Variants in CCDC6 observed in about 807,000 individuals in gnomAD.
CCDC6 encodes the protein coiled-coil domain containing 6.
CCDC6 carries 20 observed loss-of-function variants against 56.6 expected under a neutral mutation model. The ratio of observed to expected loss-of-function variants is 0.35; its 90% CI spans 0.25 to 0.51. The LOEUF is 0.51. Ranked by LOEUF, CCDC6 falls within the 20% of genes least tolerant of loss-of-function variation. The pLI is 0.95. For synonymous variants in CCDC6, 241 were observed against 234.4 expected, an observed-to-expected ratio of 1.03 and a Z score of -0.26; for missense variants, 367 against 601.1, an observed-to-expected ratio of 0.61 and a Z score of 4.07.
chr10:59,882,047 C>CGCGGGGAGA (rs1564755820), intron 1 of CCDC6, among the ~76,000 whole-genome samples: 1 of 83,672 alleles, frequency 1.2e-5, no homozygotes, highest in African/African-American at 5.5e-5. Flanking sequence ...AAAGGAAAGC[C>CGCGGGGAGA]AGGGGGAGAA....
At chr10:59,835,289 A>G (rs1254658058) in intron 2 of CCDC6, among the ~76,000 whole-genome samples, 1 of 152,240 alleles carries the variant, frequency 6.6e-6, no homozygotes, top group Non-Finnish European at 1.5e-5. Context: ...AGCGTTTGTC[A>G]TAGAATGTTG....
At position 59,906,428 on chromosome 10, in the gene CCDC6, C is replaced by T; in HGVS notation, c.-4G>A. ...TCTCGCTGGCGCTGTCCGCCATGGC[C>T]GCGGCGGGCTGGGGAAAGGAGGAGG... On this transcript the variant is annotated 5_prime_UTR_variant, in exon 1 of 9. Coordinates refer to ENST00000263102, the MANE Select transcript of CCDC6 (RefSeq NM_005436.5). 8 of 1,513,902 alleles carry T rather than the reference C, an allele frequency of 5.3e-6. No individual in the cohort carries two copies. The highest frequency in any genetic ancestry group is 5.2e-6 in the Non-Finnish European group (6 of 1,146,698). 93.8% of individuals were successfully genotyped at this position (1,513,902 alleles called of 1,614,324 possible). A position where few individuals can be genotyped will look rare whatever the true frequency, so the allele number is the denominator to read the frequency against.
Position 59,790,244 on chromosome 10 carries a change from C to T in CCDC6, c.*2673G>A, listed in dbSNP as rs1426857172. 2 of 217,898 alleles carry T rather than the reference C, an allele frequency of 9.2e-6. No individual in the cohort carries two copies. Among genetic ancestry groups the T allele is most frequent in the Non-Finnish European group, 1.9e-5 (2 of 108,102 alleles). The allele number at this position is 217,898 out of a possible 1,614,324, so 13.5% of individuals were successfully genotyped here. On this transcript the variant is annotated 3_prime_UTR_variant, in exon 9 of 9. Coordinates refer to ENST00000263102, the MANE Select transcript of CCDC6 (RefSeq NM_005436.5). ...AGTGGTAGCCAAGGGTCTCTGTCTG[C>T]AAGACAGGAAAATGAAGCTACTGAA...
At chr10:59,844,287 T>C (rs978134319) in intron 2 of CCDC6, among the ~76,000 whole-genome samples, 38 of 152,076 alleles carry the variant, frequency 2.5e-4, no homozygotes, top group African/African-American at 7.7e-4. Flanking sequence ...TCTGAGCAGA[T>C]GGCTTCAGGA....
chr10:59,812,108 C>A (rs896140617), intron 5 of CCDC6, among the ~76,000 whole-genome samples: 1 of 144,286 alleles, frequency 6.9e-6, no homozygotes, highest in Non-Finnish European at 1.5e-5. Flanking sequence ...ACCCAAGAAA[C>A]TACACAGGGA....
At chr10:59,798,156 G>GA (rs1031126555) in intron 7 of CCDC6, among the ~76,000 whole-genome samples, 5 of 152,204 alleles carry the variant, frequency 3.3e-5, no homozygotes, top group African/African-American at 9.6e-5. Context: ...CTGGCAAAGT[G>GA]AAAAGGGAAA....
At chr10:59,901,018 A>C (rs973090397) in intron 1 of CCDC6, among the ~76,000 whole-genome samples, 2 of 152,174 alleles carry the variant, frequency 1.3e-5, no homozygotes, top group African/African-American at 4.8e-5. Flanking sequence ...AGATCGCACC[A>C]CTGCACTCCA....
intron 1 of CCDC6, among the ~76,000 whole-genome samples, chr10:59,888,130 G>GT (rs1564758237): frequency 1.3e-5 from 2 of 152,186 alleles, no homozygotes; most frequent in African/African-American, 4.8e-5. Context: ...TCCAGAAAAC[G>GT]TGTCTGCACA....
At chr10:59,854,496 A>G (rs1167430862) in intron 1 of CCDC6, among the ~76,000 whole-genome samples, 1 of 152,248 alleles carries the variant, frequency 6.6e-6, no homozygotes, top group Non-Finnish European at 1.5e-5. Flanking sequence ...GAGCTAAGCA[A>G]CAAAGACAAA....
intron 1 of CCDC6, among the ~76,000 whole-genome samples, chr10:59,902,658 C>A (rs1370171562): frequency 6.6e-6 from 1 of 152,148 alleles, no homozygotes; most frequent in Non-Finnish European, 1.5e-5. Context: ...CTTGGCCTCC[C>A]CAAAGTGCTG....
intron 1 of CCDC6, among the ~76,000 whole-genome samples, chr10:59,901,489 T>C (rs1197348056): frequency 1.3e-5 from 2 of 152,154 alleles, no homozygotes; most frequent in African/African-American, 4.8e-5. Flanking sequence ...AATAGCCAGG[T>C]TTTCTAATCA....
At chr10:59,831,712 G>A (rs945778830) in intron 3 of CCDC6, among the ~76,000 whole-genome samples, 3 of 152,202 alleles carry the variant, frequency 2.0e-5, no homozygotes, top group Non-Finnish European at 2.9e-5. Flanking sequence ...CATGGGTGAA[G>A]GCATCGGGGA....
chr10:59,878,969 A>G (rs1589059130), intron 1 of CCDC6, among the ~76,000 whole-genome samples: 1 of 152,200 alleles, frequency 6.6e-6, no homozygotes, highest in Admixed American at 6.5e-5. Context: ...GGCCACCTCA[A>G]ATCCATTTGA....
At chr10:59,877,023 T>A (rs1247990397) in intron 1 of CCDC6, among the ~76,000 whole-genome samples, 1 of 152,212 alleles carries the variant, frequency 6.6e-6, no homozygotes, top group Non-Finnish European at 1.5e-5. Context: ...CTGCAGGCAA[T>A]TGTAACATAA....
chr10:59,884,262 C>T (rs1333887870), intron 1 of CCDC6, among the ~76,000 whole-genome samples: 1 of 152,064 alleles, frequency 6.6e-6, no homozygotes, highest in African/African-American at 2.4e-5. Flanking sequence ...AAGATGTTCC[C>T]TGCTACAGGA....
At chr10:59,844,742 T>A (rs1483028067) in intron 2 of CCDC6, among the ~76,000 whole-genome samples, 1 of 117,312 alleles carries the variant, frequency 8.5e-6, no homozygotes, top group Non-Finnish European at 1.6e-5. Context: ...ACAGAGACTA[T>A]CTCCAAAAAA....
chr10:59,805,528 T>C (rs1173973569), intron 6 of CCDC6: 1 of 152,204 alleles, frequency 6.6e-6, no homozygotes, highest in Non-Finnish European at 1.5e-5. Context: ...AAAAGACATA[T>C]TTCCTTAGAG....
chr10:59,859,199 C>CGTGTGTGTGTGTGT (rs66648240), intron 1 of CCDC6, among the ~76,000 whole-genome samples: 213 of 137,254 alleles, frequency 1.6e-3, no homozygotes, highest in African/African-American at 4.5e-3. Context: ...CATGTGTGTG[C>CGTGTGTGTGTGTGT]GTGTGTGTGT....
intron 1 of CCDC6, among the ~76,000 whole-genome samples, chr10:59,881,832 G>C (rs1280571538): frequency 6.6e-6 from 1 of 152,218 alleles, no homozygotes. Flanking sequence ...TGATAGGGTA[G>C]ACGTAACCTC....
Sources: allele counts gnomAD v4.1 joint callset (sites outside exome capture counted in the v4.1 genomes callset), GRCh38; gene constraint gnomAD v4.1.1; transcripts MANE v1.5; gene names NCBI Gene and HGNC (gene_info 2026-07-23, HGNC 2026-07-21).